SAMD12: variants seen among roughly 807,000 people sequenced by gnomAD.
SAMD12 encodes the protein sterile alpha motif domain-containing protein 12.
Under a neutral mutation model 15.0 loss-of-function variants are expected in SAMD12, and 9 were observed. That is an observed-to-expected ratio of 0.60 (90% confidence interval 0.36 to 1.05). The LOEUF is 1.05. Ranked by LOEUF, SAMD12 falls within the 50% of genes least tolerant of loss-of-function variation. The pLI is 0.01. For missense variants in SAMD12, 230 were observed against 234.2 expected, an observed-to-expected ratio of 0.98 and a Z score of 0.12; for synonymous variants, 86 against 90.1, an observed-to-expected ratio of 0.96 and a Z score of 0.25.
intron 4 of SAMD12, among the ~76,000 whole-genome samples, chr8:118,276,310 T>C (rs1211457704): frequency 6.6e-6 from 1 of 152,274 alleles, no homozygotes; most frequent in African/African-American, 2.4e-5. Flanking sequence ...TCAGTACACA[T>C]AAATTCAACA....
At chr8:118,477,916 A>T (rs2130982388) in intron 2 of SAMD12, among the ~76,000 whole-genome samples, 1 of 149,424 alleles carries the variant, frequency 6.7e-6, no homozygotes, top group East Asian at 2.0e-4. Context: ...TCGGAGACTG[A>T]GGCAGGAGAA....
intron 4 of SAMD12, among the ~76,000 whole-genome samples, chr8:118,319,945 T>C (rs1816145108): frequency 6.6e-6 from 1 of 152,178 alleles, no homozygotes; most frequent in Admixed American, 6.5e-5. Context: ...ATCATCAGCA[T>C]ATTGGTGCAC....
chr8:118,357,796 T>A (rs942635626), intron 4 of SAMD12, among the ~76,000 whole-genome samples: 1 of 152,206 alleles, frequency 6.6e-6, no homozygotes, highest in African/African-American at 2.4e-5. Context: ...CCCAGCCACA[T>A]GACTCTCTCT....
At chr8:118,513,875 C>G (rs1217678926) in intron 2 of SAMD12, among the ~76,000 whole-genome samples, 1 of 152,166 alleles carries the variant, frequency 6.6e-6, no homozygotes, top group Non-Finnish European at 1.5e-5. Context: ...TCATTGCTAA[C>G]CAAAAAGGAA....
intron 4 of SAMD12, among the ~76,000 whole-genome samples, chr8:118,269,198 C>CTT (rs1813277746): frequency 9.1e-6 from 1 of 109,780 alleles, no homozygotes; most frequent in Non-Finnish European, 1.8e-5. Flanking sequence ...CTTTTGTTCT[C>CTT]TCTCTCTCTC....
chr8:118,306,087 G>C (rs1424137791), intron 4 of SAMD12, among the ~76,000 whole-genome samples: 4 of 152,086 alleles, frequency 2.6e-5, no homozygotes, highest in Admixed American at 2.6e-4. Flanking sequence ...TCCTACTGTT[G>C]CTAATTTCTG....
chr8:118,215,582 T>C (rs568377965), intron 4 of SAMD12, among the ~76,000 whole-genome samples: 2 of 152,216 alleles, frequency 1.3e-5, no homozygotes, highest in African/African-American at 4.8e-5. Flanking sequence ...TCATCTAGCA[T>C]TATGTATATC....
intron 4 of SAMD12, among the ~76,000 whole-genome samples, chr8:118,314,543 T>C (rs538711043): frequency 1.1e-4 from 17 of 152,326 alleles, no homozygotes; most frequent in Non-Finnish European, 1.2e-4. Context: ...GCCACATCCA[T>C]CCCTCACTCA....
At chr8:118,530,564 T>C (rs1220100801) in intron 2 of SAMD12, among the ~76,000 whole-genome samples, 3 of 152,188 alleles carry the variant, frequency 2.0e-5, no homozygotes, top group Non-Finnish European at 4.4e-5. Flanking sequence ...TTTTTCTTGT[T>C]GAGTTGTTTG....
chr8:118,138,367 G>C, the SAMD12 span, among the ~76,000 whole-genome samples: 2 of 152,220 alleles, frequency 1.3e-5, no homozygotes, highest in East Asian at 3.9e-4. Flanking sequence ...CAAGGTGACA[G>C]AGTTAGTAGG....
intron 4 of SAMD12, among the ~76,000 whole-genome samples, chr8:118,251,232 G>A (rs922822090): frequency 3.3e-5 from 5 of 152,074 alleles, no homozygotes; most frequent in Non-Finnish European, 7.4e-5. Flanking sequence ...CTTGAGTTTG[G>A]TCTTAGAATT....
the SAMD12 span, among the ~76,000 whole-genome samples, chr8:118,159,400 C>G: frequency 6.6e-6 from 1 of 152,218 alleles, no homozygotes; most frequent in Admixed American, 6.5e-5. Context: ...CATGCTCACT[C>G]TCTAACACAC....
intron 1 of SAMD12, among the ~76,000 whole-genome samples, chr8:118,599,471 C>T (rs1403097246): frequency 6.6e-6 from 1 of 152,230 alleles, no homozygotes; most frequent in Admixed American, 6.5e-5. Flanking sequence ...CAAATATTCA[C>T]TGCTGGCCTG....
intron 1 of SAMD12, among the ~76,000 whole-genome samples, chr8:118,618,731 C>T (rs1051182543): frequency 6.6e-6 from 1 of 150,986 alleles, no homozygotes; most frequent in South Asian, 2.1e-4. Context: ...CCCAGCTACT[C>T]GGGAGGCTGA....
intron 2 of SAMD12, among the ~76,000 whole-genome samples, chr8:118,476,587 C>A (rs1823966880): frequency 6.6e-6 from 1 of 152,078 alleles, no homozygotes. Flanking sequence ...CTGACATCAT[C>A]ACAAGAATAC....
chr8:118,604,033 T>G (rs1029891377), intron 1 of SAMD12, among the ~76,000 whole-genome samples: 2 of 152,206 alleles, frequency 1.3e-5, no homozygotes, highest in Admixed American at 6.5e-5. Context: ...AAGTGCTTAT[T>G]ATACTTCCTG....
chr8:118,461,199 A>G (rs965609957), intron 2 of SAMD12, among the ~76,000 whole-genome samples: 1 of 152,138 alleles, frequency 6.6e-6, no homozygotes, highest in Non-Finnish European at 1.5e-5. Context: ...CCAACACAGA[A>G]CCCTGAGTAT....
chr8:118,536,109 AT>A, intron 2 of SAMD12, among the ~76,000 whole-genome samples: 1 of 151,944 alleles, frequency 6.6e-6, no homozygotes, highest in East Asian at 1.9e-4. Flanking sequence ...ACCCAAGTTA[AT>A]TTCTAAGTTC....
chr8:118,496,467 G>C (rs1824612755), intron 2 of SAMD12, among the ~76,000 whole-genome samples: 1 of 152,122 alleles, frequency 6.6e-6, no homozygotes, highest in Non-Finnish European at 1.5e-5. Context: ...ACAAGCAATG[G>C]AGAAAGGACT....
Sources: allele counts gnomAD v4.1 joint callset (sites outside exome capture counted in the v4.1 genomes callset), GRCh38; gene constraint gnomAD v4.1.1; transcripts MANE v1.5; gene names NCBI Gene and HGNC (gene_info 2026-07-23, HGNC 2026-07-21).